FBXW11: variants seen among roughly 807,000 people sequenced by gnomAD.
FBXW11 encodes the protein F-box/WD repeat-containing protein 11.
Under a neutral mutation model 77.6 loss-of-function variants are expected in FBXW11, and 19 were observed. That is an observed-to-expected ratio of 0.24 (90% CI 0.17 to 0.36). The LOEUF is 0.36. Among genes scored for constraint, FBXW11 ranks in the 10% least tolerant of loss-of-function variants. FBXW11 has a pLI of 1.00. For synonymous variants in FBXW11, 235 were observed against 249.4 expected, an observed-to-expected ratio of 0.94 and a Z score of 0.54; for missense variants, 334 against 704.2, an observed-to-expected ratio of 0.47 and a Z score of 5.95.
At chr5:171,887,328 G>C (rs1191119939) in intron 7 of FBXW11, among the ~76,000 whole-genome samples, 2 of 151,942 alleles carry the variant, frequency 1.3e-5, no homozygotes, top group African/African-American at 2.4e-5. Context: ...ATAATTCAGA[G>C]TGCGTTTGAC....
chr5:171,967,883 TACACACACACACAC>T (rs59469025), intron 1 of FBXW11, among the ~76,000 whole-genome samples: 2 of 74,978 alleles, frequency 2.7e-5, no homozygotes, highest in African/African-American at 1.2e-4. Context: ...TATATATATA[TACACACACACACAC>T]ACACACACAC....
At chr5:171,893,437 A>AAAAAAAAAAAC (rs1759514955) in intron 6 of FBXW11, among the ~76,000 whole-genome samples, 1 of 146,892 alleles carries the variant, frequency 6.8e-6, no homozygotes, top group Non-Finnish European at 1.5e-5. Context: ...AAAAAAAAAA[A>AAAAAAAAAAAC]AAAAAAAAAA....
chr5:171,992,152 G>T (rs976863902), intron 1 of FBXW11, among the ~76,000 whole-genome samples: 1 of 150,192 alleles, frequency 6.7e-6, no homozygotes, highest in Non-Finnish European at 1.5e-5. Flanking sequence ...AAAGGAGGCC[G>T]GATGCGGTGG....
chr5:171,980,378 C>T (rs1765074754), intron 1 of FBXW11, among the ~76,000 whole-genome samples: 1 of 152,054 alleles, frequency 6.6e-6, no homozygotes, highest in Admixed American at 6.6e-5. Flanking sequence ...AAAAATTGGA[C>T]TTCATTAGTA....
chr5:171,989,256 G>C (rs965189248), intron 1 of FBXW11, among the ~76,000 whole-genome samples: 1 of 152,238 alleles, frequency 6.6e-6, no homozygotes, highest in Non-Finnish European at 1.5e-5. Context: ...TGAAACCAAT[G>C]AGTGAAAGGC....
chr5:171,905,864 C>T (rs1297099577), intron 4 of FBXW11, among the ~76,000 whole-genome samples: 2 of 152,162 alleles, frequency 1.3e-5, no homozygotes, highest in Non-Finnish European at 2.9e-5. Flanking sequence ...CATGCTGAGA[C>T]TCCCCCATCT....
chr5:171,870,271 G>A (rs839305), intron 11 of FBXW11, among the ~76,000 whole-genome samples: 3,687 of 152,174 alleles, frequency 0.024, 83 homozygotes, highest in African/African-American at 0.058. Context: ...AAGGTCATCT[G>A]GAAAGATTTA....
At chr5:171,929,870 T>C (rs985524442) in intron 2 of FBXW11, among the ~76,000 whole-genome samples, 1 of 151,344 alleles carries the variant, frequency 6.6e-6, no homozygotes, top group Non-Finnish European at 1.5e-5. Flanking sequence ...AACATAAAAA[T>C]AAAAATTAAA....
At chr5:171,974,205 G>A (rs1193301589) in intron 1 of FBXW11, among the ~76,000 whole-genome samples, 1 of 152,026 alleles carries the variant, frequency 6.6e-6, no homozygotes, top group African/African-American at 2.4e-5. Context: ...GAGACCGAGG[G>A]TGGCGAATCA....
chr5:171,998,525 G>T (rs978147852), intron 1 of FBXW11, among the ~76,000 whole-genome samples: 1 of 151,410 alleles, frequency 6.6e-6, no homozygotes, highest in East Asian at 2.0e-4. Context: ...GGCTGGGCTC[G>T]ATGGCTCACA....
chr5:171,913,840 C>T (rs199563977), intron 3 of FBXW11, among the ~76,000 whole-genome samples: 2,203 of 145,018 alleles, frequency 0.015, 39 homozygotes, highest in East Asian at 0.039. Flanking sequence ...CACACACACA[C>T]ACACACACAC....
chr5:171,942,083 G>A (rs951334299), intron 2 of FBXW11, among the ~76,000 whole-genome samples: 1 of 151,372 alleles, frequency 6.6e-6, no homozygotes, highest in Admixed American at 6.6e-5. Flanking sequence ...ATAACACACA[G>A]AACCTTTTGT....
chr5:171,996,219 T>C (rs1330654592), intron 1 of FBXW11, among the ~76,000 whole-genome samples: 3 of 152,160 alleles, frequency 2.0e-5, no homozygotes, highest in African/African-American at 7.2e-5. Flanking sequence ...CAAAAAATAT[T>C]TTGACCAGGT....
intron 4 of FBXW11, among the ~76,000 whole-genome samples, chr5:171,905,233 T>C (rs1322586675): frequency 6.6e-6 from 1 of 152,224 alleles, no homozygotes; most frequent in East Asian, 1.9e-4. Flanking sequence ...CTGCTAGTTG[T>C]GTGACCTTAA....
chr5:172,002,696 C>CTTTTTTTTTTTTTTTTTT (rs34300477), intron 1 of FBXW11, among the ~76,000 whole-genome samples: 35 of 97,054 alleles, frequency 3.6e-4, no homozygotes, highest in African/African-American at 8.1e-4. Flanking sequence ...TTTTTCTTTT[C>CTTTTTTTTTTTTTTTTTT]TTTTTTTTTT....
At chr5:172,005,828 G>T (rs962811530) in intron 1 of FBXW11, among the ~76,000 whole-genome samples, 1 of 152,074 alleles carries the variant, frequency 6.6e-6, no homozygotes, top group Non-Finnish European at 1.5e-5. Flanking sequence ...CTCTCCGCCG[G>T]GTAGGAAACC....
At chr5:171,982,113 T>G (rs539079259) in intron 1 of FBXW11, among the ~76,000 whole-genome samples, 4 of 152,316 alleles carry the variant, frequency 2.6e-5, no homozygotes, top group African/African-American at 7.2e-5. Flanking sequence ...AGTATATATA[T>G]TTCTCAAAAC....
chr5:171,887,104 T>C (rs1758956433), intron 7 of FBXW11, among the ~76,000 whole-genome samples: 2 of 152,242 alleles, frequency 1.3e-5, no homozygotes, highest in African/African-American at 2.4e-5. Context: ...TCTGTCTCTA[T>C]TGTAGGCATT....
chr5:171,999,047 C>T (rs1033142723), intron 1 of FBXW11, among the ~76,000 whole-genome samples: 1 of 152,046 alleles, frequency 6.6e-6, no homozygotes, highest in African/African-American at 2.4e-5. Context: ...CTCGCCATAA[C>T]AATCAGATGA....
Sources: gnomAD v4.1 joint callset for allele counts (sites outside exome capture counted in the v4.1 genomes callset) on GRCh38, gnomAD v4.1.1 for gene constraint, MANE v1.5 for transcripts, NCBI Gene and HGNC (gene_info 2026-07-23, HGNC 2026-07-21) for gene names.